The following DNAH5 variants were observed in gnomAD, a reference collection of about 807,000 sequenced individuals.
DNAH5 encodes axonemal beta dynein heavy chain 5.
Under a neutral mutation model 518.2 loss-of-function variants are expected in DNAH5, and 372 were observed. That is an observed-to-expected ratio of 0.72 (90% CI 0.66 to 0.78). The LOEUF (loss-of-function observed/expected upper bound fraction) is 0.78. Ranked by LOEUF, DNAH5 falls within the 30% of genes least tolerant of loss-of-function variation. The probability of loss-of-function intolerance (pLI) is 0.00; values close to 1 mark genes in which losing one functional copy is unlikely to be tolerated. For missense variants in DNAH5, 5,523 were observed against 5,687.0 expected (o/e 0.97, Z 0.93); for synonymous variants, 2,039 against 2,025.9 (o/e 1.01, Z -0.17).
At chr5:13,968,979 C>T (rs1781708848) in intron 1 of DNAH5, among the ~76,000 whole-genome samples, 1 of 152,122 alleles carries the variant, frequency 6.6e-6, no homozygotes, top group Middle Eastern at 3.4e-3. Flanking sequence ...TTTTTTATTA[C>T]CATTTCTATC....
rs1204350773 is a variant in DNAH5 at position 13,786,327 on chromosome 5, GCATCAGCCT to G, written c.8663_8671del (p.Glu2888_Asp2890del). 1 of 1,614,058 alleles carries G rather than the reference GCATCAGCCT, an allele frequency of 6.2e-7. No individual in the cohort carries two copies. Among genetic ancestry groups the G allele is most frequent in the South Asian group, 1.1e-5 (1 of 91,080 alleles). On this transcript the variant is annotated inframe_deletion, in exon 52 of 79. Transcript: ENST00000265104. ...TGGCTCATAAATTTTAGGTGTTTCA[GCATCAGCCT>G]CTTCAGATGTTTCACCTTTGGTGGG... is the stretch of plus-strand genomic sequence containing the variant.
Position 13,841,094 on chromosome 5 carries a change from C to T in DNAH5, c.5521G>A (p.Asp1841Asn). 6.2e-7 allele frequency: 1 copy of T among 1,614,062 alleles called. No homozygotes were observed. The highest frequency in any genetic ancestry group is 8.5e-7 in the Non-Finnish European group (1 of 1,179,994). The change falls in exon 34 of 79, where the codon GAT becomes AAT. Residue 1841 changes from aspartate to asparagine, a missense_variant. Asp to Asn is a conservative substitution (Grantham distance 23). Around this residue, in one of 3 missense-constraint regions of DNAH5, gnomAD observed 5,121 missense variants for 5,223.3 expected, o/e 0.98. Coordinates refer to ENST00000265104, the MANE Select transcript of DNAH5 (RefSeq NM_001369.3). Reference sequence around the variant, plus strand: ...GCATTTCTAAGGGCTTCTTCTGAATCCCGTGTCCATATCATCTGAATTCCT... The same window carrying T: ...GCATTTCTAAGGGCTTCTTCTGAATTCCGTGTCCATATCATCTGAATTCCT... Reference protein sequence around the residue: ...LLGIQMIWTRDSEEALRNAKF... With the variant: ...LLGIQMIWTRNSEEALRNAKF...
intron 1 of DNAH5, among the ~76,000 whole-genome samples, chr5:13,954,173 C>T (rs11748837): frequency 0.28 from 42,947 of 152,112 alleles, 7,152 homozygotes; most frequent in South Asian, 0.38. Flanking sequence ...TCATTCATCT[C>T]ACCAAAGGCA....
chr5:13,699,293 T>C (rs924622742), intron 78 of DNAH5, among the ~76,000 whole-genome samples: 1 of 152,248 alleles, frequency 6.6e-6, no homozygotes, highest in Non-Finnish European at 1.5e-5. Context: ...ATTTACTTAC[T>C]ACGGGTCTCC....
intron 65 of DNAH5, among the ~76,000 whole-genome samples, chr5:13,747,725 G>C (rs1401146778): frequency 6.6e-6 from 1 of 152,116 alleles, no homozygotes. Flanking sequence ...CCCGCTTGTT[G>C]ATGGGGTTGT....
chr5:13,762,871 C>T lies in DNAH5; in HGVS notation c.10132G>A (p.Val3378Met), dbSNP rs866729521. The T allele has an allele frequency of 6.2e-7, 1 of 1,613,912 alleles. No homozygotes were observed. Among genetic ancestry groups the T allele is most frequent in the Middle Eastern group, 1.7e-4 (1 of 6,058 alleles). ...QFPKDTINEE[V>M]IEFLSPYFEM... ...AAGTAAGGACTCAAAAATTCTATCA[C>T]CTCTTCATTGATTGTGTCTTTTGGG... The change falls in exon 60 of 79, where the codon GTG (valine) becomes ATG (methionine). Residue 3378 changes from valine (V) to methionine (M), a missense_variant. Physicochemically the swap from Val to Met is conservative, Grantham distance 21 (BLOSUM62 1). Coordinates refer to ENST00000265104, the MANE Select transcript of DNAH5 (RefSeq NM_001369.3).
intron 52 of DNAH5, among the ~76,000 whole-genome samples, chr5:13,785,825 AT>A (rs1241176258): frequency 3.9e-5 from 6 of 152,176 alleles, no homozygotes; most frequent in African/African-American, 7.2e-5. Flanking sequence ...CTTATGTACT[AT>A]TTTTTTATAG....
At chr5:13,765,071 T>C (rs999542097) in intron 59 of DNAH5, among the ~76,000 whole-genome samples, 2 of 152,212 alleles carry the variant, frequency 1.3e-5, no homozygotes, top group African/African-American at 4.8e-5. Flanking sequence ...TGTATCTACA[T>C]GGTGGAAACA....
At chr5:13,701,017 A>T (rs961017476) in intron 77 of DNAH5, 146 bp from the exon 78 acceptor site, 6 of 972,158 alleles carry the variant, frequency 6.2e-6, no homozygotes, top group South Asian at 2.8e-5. Context: ...TTCCCTCATT[A>T]AAAAAACCAC....
At chr5:13,700,094 T>C (rs1473438001) in intron 78 of DNAH5, among the ~76,000 whole-genome samples, 1 of 152,234 alleles carries the variant, frequency 6.6e-6, no homozygotes, top group Non-Finnish European at 1.5e-5. Flanking sequence ...ATTTTACCAT[T>C]AGCTACAGGA....
intron 6 of DNAH5, 145 bp downstream of exon 6, chr5:13,920,335 G>A: frequency 9.2e-7 from 1 of 1,090,210 alleles, no homozygotes; most frequent in East Asian, 2.4e-5. Context: ...TGACAGTAAA[G>A]GAAAACCACA....
chr5:13,769,421 C>T, intron 57 of DNAH5, 80 bp downstream of exon 57: 2 of 1,108,550 alleles, frequency 1.8e-6, no homozygotes, highest in Non-Finnish European at 1.4e-6. Context: ...TAGTTATAGC[C>T]AGTGAATATG....
intron 1 of DNAH5, among the ~76,000 whole-genome samples, chr5:14,003,207 A>G (rs569304781): frequency 2.0e-5 from 3 of 152,358 alleles, no homozygotes; most frequent in African/African-American, 7.2e-5. Flanking sequence ...TATTAACTAT[A>G]AATCTGAAGA....
At chr5:13,693,458 A>G (rs1177128476) in intron 78 of DNAH5, among the ~76,000 whole-genome samples, 1 of 152,244 alleles carries the variant, frequency 6.6e-6, no homozygotes, top group East Asian at 1.9e-4. Context: ...AATTTAATTA[A>G]TTGTATTAGA....
chr5:13,967,808 G>A (rs1781624467), intron 1 of DNAH5, among the ~76,000 whole-genome samples: 1 of 124,678 alleles, frequency 8.0e-6, no homozygotes, highest in African/African-American at 2.5e-5. Flanking sequence ...TCACAATAAT[G>A]ATTCTACATG....
chr5:13,919,389 G>A (rs748430527), intron 6 of DNAH5, 37 bp from the exon 7 acceptor site: 5 of 1,608,680 alleles, frequency 3.1e-6, no homozygotes, highest in African/African-American at 1.3e-5. Context: ...GCCATTGCAC[G>A]GGGCTGGAGA....
intron 1 of DNAH5, among the ~76,000 whole-genome samples, chr5:14,011,485 T>G (rs1002576304): frequency 6.6e-6 from 1 of 152,172 alleles, no homozygotes; most frequent in Admixed American, 6.5e-5. Flanking sequence ...AAGAAAGTGC[T>G]TTTGGCCCCC....
chr5:13,946,608 A>G (rs1470165909), upstream of DNAH5, among the ~76,000 whole-genome samples: 1 of 152,238 alleles, frequency 6.6e-6, no homozygotes, highest in African/African-American at 2.4e-5. Flanking sequence ...CCACCAGGCA[A>G]GAGCTTCAGC....
chr5:13,751,742 G>T (rs1447121876), intron 64 of DNAH5, among the ~76,000 whole-genome samples: 1 of 152,112 alleles, frequency 6.6e-6, no homozygotes, highest in Non-Finnish European at 1.5e-5. Flanking sequence ...TGTTTAGGGG[G>T]TAGAGCTGGG....
Sources: gnomAD v4.1 joint callset for allele counts (sites outside exome capture counted in the v4.1 genomes callset) on GRCh38, gnomAD v4.1.1 for gene constraint, gnomAD v4.1.1 regional missense constraint, MANE v1.5 for transcripts, NCBI Gene and HGNC (gene_info 2026-07-23, HGNC 2026-07-21) for gene names.